EXT1: variants seen among roughly 807,000 people sequenced by gnomAD.
The protein encoded by EXT1 is exostosin glycosyltransferase 1.
In EXT1, 20 loss-of-function variants were observed where a neutral mutation model predicts 82.5. The ratio of observed to expected loss-of-function variants is 0.24; its 90% CI spans 0.17 to 0.35. The LOEUF (loss-of-function observed/expected upper bound fraction) is 0.35. Among genes scored for constraint, EXT1 ranks in the 10% least tolerant of loss-of-function variants. The pLI, the probability that EXT1 is intolerant of heterozygous loss-of-function variation, is 1.00. For synonymous variants in EXT1, 348 were observed against 350.8 expected, an observed-to-expected ratio of 0.99 and a Z score of 0.09; for missense variants, 757 against 936.5, an observed-to-expected ratio of 0.81 and a Z score of 2.50.
At chr8:118,012,642 C>T (rs1433347475) in intron 1 of EXT1, among the ~76,000 whole-genome samples, 4 of 152,228 alleles carry the variant, frequency 2.6e-5, no homozygotes, top group African/African-American at 9.6e-5. Context: ...TGGGGCTGTG[C>T]ACATCACATC....
intron 1 of EXT1, among the ~76,000 whole-genome samples, chr8:117,931,419 A>T (rs1053284238): frequency 6.6e-6 from 1 of 152,154 alleles, no homozygotes; most frequent in Non-Finnish European, 1.5e-5. Flanking sequence ...AAATCTTTAT[A>T]AATTATAAAC....
chr8:118,059,619 C>T (rs1027981951), intron 1 of EXT1, among the ~76,000 whole-genome samples: 3 of 152,214 alleles, frequency 2.0e-5, no homozygotes, highest in Non-Finnish European at 2.9e-5. Context: ...TTCATCCGTT[C>T]CCTGCTATGG....
intron 8 of EXT1, 148 bp downstream of exon 8, chr8:117,812,724 T>A: frequency 1.3e-6 from 1 of 743,880 alleles, no homozygotes; most frequent in Admixed American, 2.0e-5. Flanking sequence ...CTAACAGGAA[T>A]CGGGCTGATT....
chr8:117,898,485 A>C (rs1813383836), intron 1 of EXT1, among the ~76,000 whole-genome samples: 1 of 152,244 alleles, frequency 6.6e-6, no homozygotes, highest in Non-Finnish European at 1.5e-5. Flanking sequence ...CAGTCTGTGT[A>C]ACAGAATCAT....
Position 117,809,209 on chromosome 8 carries a change from G to GTATAAATATATATATATA in EXT1, c.1723-1833_1723-1832insTATATATATATATTTATA, listed in dbSNP as rs1471755255. ...TGTGTGTAGGTATATATATGTGTGTGTGTGTATAAATATATATATATATAT... is the reference window on the plus strand; with the variant it reads ...TGTGTGTAGGTATATATATGTGTGTGTATAAATATATATATATATGTGTATAAATATATATATATATAT... On this transcript the variant is annotated intron_variant, in intron 8 of 10. Coordinates refer to ENST00000378204, the MANE Select transcript of EXT1 (RefSeq NM_000127.3). Among the ~76,000 whole-genome samples, 585 of 85,420 alleles carry GTATAAATATATATATATA rather than the reference G, an allele frequency of 6.8e-3. 4 individuals are homozygous for GTATAAATATATATATATA. The highest frequency in any genetic ancestry group is 9.0e-3 in the Non-Finnish European group (374 of 41,346). 56.0% of individuals were successfully genotyped at this position (85,420 alleles called of 152,430 possible).
intron 1 of EXT1, among the ~76,000 whole-genome samples, chr8:118,069,505 A>G (rs538257517): frequency 6.0e-4 from 91 of 152,284 alleles, no homozygotes; most frequent in African/African-American, 2.1e-3. Flanking sequence ...TGAAGCAGAT[A>G]AGAGAGCAAA....
intron 1 of EXT1, among the ~76,000 whole-genome samples, chr8:118,087,405 G>A (rs1817440960): frequency 6.6e-6 from 1 of 152,154 alleles, no homozygotes. Flanking sequence ...GACATTGTCA[G>A]GGATCTTTAA....
chr8:118,067,614 G>A (rs1335260123), intron 1 of EXT1, among the ~76,000 whole-genome samples: 1 of 152,148 alleles, frequency 6.6e-6, no homozygotes, highest in African/African-American at 2.4e-5. Context: ...TCAAAGCAGT[G>A]GTCAAGTCAA....
rs571441168 is a variant in EXT1, at chr8:118,091,706, T to C, written c.962+18379A>G. On this transcript the variant is annotated intron_variant, in intron 1 of 10. Coordinates refer to ENST00000378204, the MANE Select transcript of EXT1 (RefSeq NM_000127.3). Reference sequence around the variant, plus strand: ...CTTGCAATGAGCCAAGATCGCACCATTGCACTCCAGCCTGGGCGACAGAGC... The same window carrying C: ...CTTGCAATGAGCCAAGATCGCACCACTGCACTCCAGCCTGGGCGACAGAGC... 4.7e-3 allele frequency among the ~76,000 whole-genome samples: 713 copies of C among 152,076 alleles called. 9 individuals are homozygous for C. Among genetic ancestry groups the C allele is most frequent in the South Asian group, 0.029 (141 of 4,814 alleles).
intron 1 of EXT1, among the ~76,000 whole-genome samples, chr8:118,032,015 T>A (rs1249972751): frequency 1.3e-5 from 2 of 151,748 alleles, no homozygotes; most frequent in Non-Finnish European, 2.9e-5. Context: ...ATGTGCTATC[T>A]GAAGTGCCAC....
intron 1 of EXT1, among the ~76,000 whole-genome samples, chr8:117,919,710 G>A (rs1305541948): frequency 6.6e-6 from 1 of 151,888 alleles, no homozygotes; most frequent in African/African-American, 2.4e-5. Flanking sequence ...TTGCCATGTT[G>A]TCCAAGCTGG....
chr8:117,947,860 G>C (rs963948626), intron 1 of EXT1, among the ~76,000 whole-genome samples: 3 of 152,178 alleles, frequency 2.0e-5, no homozygotes, highest in Non-Finnish European at 4.4e-5. Context: ...GTAATACTGG[G>C]AAGGCAGGCA....
chr8:117,807,571 G>C (rs1823257934), intron 8 of EXT1, among the ~76,000 whole-genome samples, 194 bp from the exon 9 acceptor site: 1 of 152,034 alleles, frequency 6.6e-6, no homozygotes, highest in African/African-American at 2.4e-5. Flanking sequence ...AATGTTTTCT[G>C]TTAAAGAAAC....
intron 1 of EXT1, among the ~76,000 whole-genome samples, chr8:118,008,103 C>T (rs2514727): frequency 0.13 from 20,175 of 152,108 alleles, 1,873 homozygotes; most frequent in East Asian, 0.35. Context: ...GGATGTGTGA[C>T]GTTCCCCTCC....
At chr8:117,841,918 G>A (rs1194861723) in intron 1 of EXT1, among the ~76,000 whole-genome samples, 1 of 152,190 alleles carries the variant, frequency 6.6e-6, no homozygotes, top group Non-Finnish European at 1.5e-5. Context: ...ATGGGGGAGT[G>A]TAGCATAGAG....
intron 1 of EXT1, among the ~76,000 whole-genome samples, chr8:118,081,382 C>T (rs1337097422): frequency 1.3e-5 from 2 of 152,176 alleles, no homozygotes; most frequent in African/African-American, 4.8e-5. Context: ...CAATTTCTCT[C>T]TTTGTTTTAG....
At chr8:117,983,467 G>A (rs1406548444) in intron 1 of EXT1, among the ~76,000 whole-genome samples, 1 of 152,158 alleles carries the variant, frequency 6.6e-6, no homozygotes, top group African/African-American at 2.4e-5. Flanking sequence ...CTGGGAGACA[G>A]ACAGATATCT....
At chr8:118,045,700 T>C (rs1170915958) in intron 1 of EXT1, among the ~76,000 whole-genome samples, 1 of 151,936 alleles carries the variant, frequency 6.6e-6, no homozygotes. Flanking sequence ...ATAATACGTA[T>C]CTGAGTCCTC....
chr8:117,837,273 C>T (rs1233384495), intron 1 of EXT1, 72 bp from the exon 2 acceptor site: 12 of 1,250,734 alleles, frequency 9.6e-6, no homozygotes, highest in Middle Eastern at 1.9e-4. Context: ...CATAGGTGGG[C>T]GCCCATGTGC....
Sources: allele counts gnomAD v4.1 joint callset (sites outside exome capture counted in the v4.1 genomes callset), GRCh38; gene constraint gnomAD v4.1.1; transcripts MANE v1.5; gene names NCBI Gene and HGNC (gene_info 2026-07-23, HGNC 2026-07-21).